WNT4: variants seen among roughly 807,000 people sequenced by gnomAD.
WNT4 encodes the protein protein Wnt-4.
In WNT4, 16 loss-of-function variants were observed where a neutral mutation model predicts 34.5. The observed-to-expected ratio is 0.46, with a 90% confidence interval of 0.31 to 0.70. WNT4 has a LOEUF of 0.70. Among genes scored for constraint, WNT4 ranks in the 30% least tolerant of loss-of-function variants. WNT4 has a pLI of 0.04. For missense variants in WNT4, 379 were observed against 495.9 expected (o/e 0.76, Z 2.24); for synonymous variants, 200 against 211.9 (o/e 0.94, Z 0.49).
chr1:22,129,421 C>T (rs925491859), intron 2 of WNT4, among the ~76,000 whole-genome samples, 195 bp downstream of exon 2: 9 of 152,248 alleles, frequency 5.9e-5, no homozygotes, highest in African/African-American at 1.7e-4. Flanking sequence ...CCCACACATA[C>T]ATCCCACCTG....
intron 1 of WNT4, among the ~76,000 whole-genome samples, chr1:22,138,306 G>A (rs530500788): frequency 6.6e-6 from 1 of 152,174 alleles, no homozygotes; most frequent in Non-Finnish European, 1.5e-5. Flanking sequence ...CTCTGAAAGT[G>A]GTTGTGGTGA....
chr1:22,135,682 AC>A, intron 1 of WNT4, among the ~76,000 whole-genome samples: 1 of 151,938 alleles, frequency 6.6e-6, no homozygotes, highest in South Asian at 2.1e-4. Flanking sequence ...CTGGTCCAAA[AC>A]CCCTGGAGGG....
Position 22,128,418 on chromosome 1 carries a change from GGGCGGGAGCTTGGCC to G in WNT4, c.313+1183_313+1197del, listed in dbSNP as rs1645956448. Among the ~76,000 whole-genome samples the G allele has an allele frequency of 3.9e-5, 6 of 152,348 alleles. No individual in the cohort carries two copies. The South Asian group carries it at 1.2e-3, about 32-fold the overall frequency. On this transcript the variant is annotated intron_variant, in intron 2 of 4. Transcript: ENST00000290167. ...CCCATGGTTTAGAGTACTTCCTTGA[GGGCGGGAGCTTGGCC>G]GGCGACCTCTGGAGGAGACTTCCAG...
chr1:22,132,531 C>T (rs531127128), intron 1 of WNT4, among the ~76,000 whole-genome samples: 6 of 152,270 alleles, frequency 3.9e-5, no homozygotes, highest in South Asian at 4.2e-4. Flanking sequence ...GGGGAGTGGC[C>T]GGGCCTCAGG....
chr1:22,136,742 A>G (rs915939823), intron 1 of WNT4, among the ~76,000 whole-genome samples: 1 of 152,130 alleles, frequency 6.6e-6, no homozygotes, highest in African/African-American at 2.4e-5. Context: ...ACAGGGCCTG[A>G]TGTGAGGAAG....
At chr1:22,129,896 T>A (rs1180553062) in intron 1 of WNT4, 45 bp from the exon 2 acceptor site, 1 of 1,605,236 alleles carries the variant, frequency 6.2e-7, no homozygotes, top group Admixed American at 1.7e-5. Flanking sequence ...CTCCTCATCT[T>A]TCCTGGCCCC....
Position 22,129,815 on chromosome 1 carries a change from T to C in WNT4, c.114A>G (p.Ser38=). 3 of 1,613,974 alleles carry C rather than the reference T, an allele frequency of 1.9e-6. No homozygotes were observed. Among genetic ancestry groups the C allele is most frequent in the Admixed American group, 1.7e-5 (1 of 60,028 alleles). The change falls in exon 2 of 5, where the codon TCA becomes TCG. Residue 38 remains serine (S), a synonymous_variant. Transcript: ENST00000290167. ...LAKLSSVGSI[S]EEETCEKLKG... ...TGAGTTTCTCGCACGTCTCCTCCTCTGAGATGCTCCCCACCGACGACAGCT... is the reference window on the plus strand; with the variant it reads ...TGAGTTTCTCGCACGTCTCCTCCTCCGAGATGCTCCCCACCGACGACAGCT...
intron 2 of WNT4, among the ~76,000 whole-genome samples, chr1:22,121,806 TG>T (rs1007827477): frequency 6.6e-6 from 1 of 152,230 alleles, no homozygotes; most frequent in African/African-American, 2.4e-5. Flanking sequence ...GTGCAGATGC[TG>T]TCATCCTCAC....
intron 2 of WNT4, among the ~76,000 whole-genome samples, chr1:22,128,472 T>C (rs1237619891): frequency 1.3e-5 from 2 of 152,148 alleles, no homozygotes; most frequent in Non-Finnish European, 2.9e-5. Context: ...CATAGACCGT[T>C]CTCTATGCCC....
At position 22,142,919 on chromosome 1, in the gene WNT4, T is replaced by C. The variant is rs1475315345; in HGVS notation, c.4A>G (p.Ser2Gly). The change falls in exon 1 of 5, where the codon AGT (serine) becomes GGT (glycine). Residue 2 changes from serine (S) to glycine (G), a missense_variant. Physicochemically the swap from Ser to Gly is moderately conservative, Grantham distance 56. Transcript: ENST00000290167. This position sits in a 1 kb window ranked among gnomAD's most constrained non-coding sequence, Gnocchi z 6.0. The part of the protein sequence containing the change: M[S>G]PRSCLRSLRL... Reference sequence around the variant, plus strand: ...AGCGAACGCAGGCACGAGCGGGGACTCATGGTGCCGCCGCGGGCGCCCGGC... The same window carrying C: ...AGCGAACGCAGGCACGAGCGGGGACCCATGGTGCCGCCGCGGGCGCCCGGC... The C allele has an allele frequency of 8.7e-7, 1 of 1,152,528 alleles. No individual in the cohort carries two copies. The allele number at this position is 1,152,528 out of a possible 1,614,324, so 71.4% of individuals were successfully genotyped here. A position where few individuals can be genotyped will look rare whatever the true frequency, so the allele number is the denominator to read the frequency against.
At chr1:22,120,609 C>T in intron 4 of WNT4, 92 bp from the exon 5 acceptor site, 2 of 1,327,310 alleles carry the variant, frequency 1.5e-6, no homozygotes, top group Non-Finnish European at 2.1e-6. Flanking sequence ...CATCGGGGTC[C>T]CTGGGGCTGA....
chr1:22,133,804 C>T (rs1646001063), intron 1 of WNT4, among the ~76,000 whole-genome samples: 2 of 152,242 alleles, frequency 1.3e-5, no homozygotes, highest in Admixed American at 6.5e-5. Context: ...CCTGCAGGCT[C>T]CTCCCAGGAG....
intron 4 of WNT4, 75 bp downstream of exon 4, chr1:22,121,136 G>C: frequency 6.6e-7 from 1 of 1,515,996 alleles, no homozygotes; most frequent in Non-Finnish European, 8.8e-7. Context: ...CTGAGTGGCC[G>C]TGTGGGTGGG....
intron 1 of WNT4, among the ~76,000 whole-genome samples, chr1:22,135,438 T>G (rs1229573494): frequency 6.6e-6 from 1 of 152,232 alleles, no homozygotes. Flanking sequence ...CCCAGGGTAC[T>G]GAGGCATGAA....
intron 1 of WNT4, among the ~76,000 whole-genome samples, chr1:22,136,966 G>C (rs1332169638): frequency 6.6e-6 from 1 of 152,170 alleles, no homozygotes; most frequent in Non-Finnish European, 1.5e-5. Flanking sequence ...TTCAGGGCTT[G>C]TGTGTGAACA....
rs183041375 is a variant in WNT4, at chr1:22,133,969, A to T, written c.78-4118T>A. ...GCTTTTCCAGGTTTGCTTGCTTTTT[A>T]AAAAAAATATACAAATTCCTAGAGG... is the stretch of plus-strand genomic sequence containing the variant. On this transcript the variant is annotated intron_variant, in intron 1 of 4. Transcript: ENST00000290167. Among the ~76,000 whole-genome samples, 992 of 152,292 alleles carry T rather than the reference A, an allele frequency of 6.5e-3. 10 individuals carry two copies. Among genetic ancestry groups the T allele is most frequent in the Non-Finnish European group, 0.011 (719 of 68,012 alleles).
At position 22,120,136 on chromosome 1, in the gene WNT4, C is replaced by G; in HGVS notation, c.970G>C (p.Glu324Gln). 2 of 1,613,392 alleles carry G rather than the reference C, an allele frequency of 1.2e-6. No homozygotes were observed. The highest frequency in any genetic ancestry group is 2.2e-5 in the East Asian group (1 of 44,880). Residue 324 changes from glutamate (E) to glutamine (Q), a missense_variant, in exon 5 of 5, where the codon GAA (glutamate) becomes CAA (glutamine). Glu to Gln is a conservative substitution (Grantham distance 29). Transcript: ENST00000290167. ...GFHTAQVELA[E>Q]RCSCKFHWCC... ...CAGTGGAATTTGCAGCTGCAGCGTT[C>G]AGCCAGCTCCACCTGCGCCGTGTGG...
At chr1:22,136,722 A>ATTAG (rs1055792264) in intron 1 of WNT4, among the ~76,000 whole-genome samples, 2 of 152,148 alleles carry the variant, frequency 1.3e-5, no homozygotes, top group African/African-American at 4.8e-5. Flanking sequence ...TATGGTCCTA[A>ATTAG]GTGCCCAGCA....
At chr1:22,135,044 T>C (rs1156360778) in intron 1 of WNT4, among the ~76,000 whole-genome samples, 1 of 152,190 alleles carries the variant, frequency 6.6e-6, no homozygotes, top group Admixed American at 6.5e-5. Flanking sequence ...CTGGCGACTG[T>C]CAGTCAGACC....
Sources: allele counts gnomAD v4.1 joint callset (sites outside exome capture counted in the v4.1 genomes callset), GRCh38; gene constraint gnomAD v4.1.1; non-coding constraint Gnocchi (gnomAD v3.1); transcripts MANE v1.5; gene names NCBI Gene and HGNC (gene_info 2026-07-23, HGNC 2026-07-21).